Variants in MTCL1 observed in about 807,000 individuals in gnomAD.
MTCL1 encodes the protein microtubule crosslinking factor 1, also known as microtubule cross-linking factor 1.
MTCL1 carries 79 observed loss-of-function variants against 141.4 expected under a neutral mutation model. The ratio of observed to expected loss-of-function variants is 0.56; its 90% confidence interval spans 0.47 to 0.67. The LOEUF (loss-of-function observed/expected upper bound fraction) is 0.67. Among genes scored for constraint, MTCL1 ranks in the 30% least tolerant of loss-of-function variants. The pLI is 0.00. For synonymous variants in MTCL1, 914 were observed against 875.8 expected (o/e 1.04, Z -0.77); for missense variants, 2,177 against 2,113.9 (o/e 1.03, Z -0.59).
Position 8,810,822 on chromosome 18 carries a change from C to T in MTCL1, c.2605-2157C>T, listed in dbSNP as rs1191636130. On this transcript the variant is annotated intron_variant, in intron 11 of 16. Coordinates refer to ENST00000359865, the Ensembl canonical transcript of MTCL1. This position sits in a 1 kb window ranked among gnomAD's most constrained non-coding sequence, Gnocchi z 5.0. ...ATAAATAATTGATCAAGAAGCGTCA[C>T]CACTGACCTGTGCCCGTGGCTGTCA... Among the ~76,000 whole-genome samples, 1 of 152,178 alleles carries T rather than the reference C, an allele frequency of 6.6e-6. No individual in the cohort carries two copies. The highest frequency in any genetic ancestry group is 1.5e-5 in the Non-Finnish European group (1 of 68,040).
intron 7 of MTCL1, chr18:8,789,619 C>T (rs2075649044): frequency 1.0e-6 from 1 of 985,398 alleles, no homozygotes; most frequent in South Asian, 4.7e-5. Context: ...ATTGTCAAGA[C>T]TAGTGTCTCA....
In MTCL1 at chr18:8,779,102, C is replaced by T. The variant is rs1197984079; in HGVS notation, c.417+1210C>T. ...CAAAACCCAAAGGAAGCTGGCGCCC[C>T]GGCGCAAGGTAGGCACGTGGGCAGT... On this transcript the variant is annotated intron_variant, in intron 5 of 16. Coordinates refer to ENST00000359865, the Ensembl canonical transcript of MTCL1. This position sits in a 1 kb window ranked among gnomAD's most constrained non-coding sequence, Gnocchi z 4.1. Among the ~76,000 whole-genome samples the T allele has an allele frequency of 1.3e-5, 2 of 152,234 alleles. No individual in the cohort carries two copies. Among genetic ancestry groups the T allele is most frequent in the Non-Finnish European group, 2.9e-5 (2 of 68,044 alleles).
intron 1 of MTCL1, 52 bp downstream of exon 1, chr18:8,706,765 C>G (rs1487976017): frequency 6.5e-7 from 1 of 1,536,812 alleles, no homozygotes; most frequent in Non-Finnish European, 8.7e-7. Context: ...GAGGGCCTGG[C>G]TGCGGCGGGG....
chr18:8,774,684 C>G (rs1279575579), intron 4 of MTCL1, among the ~76,000 whole-genome samples: 1 of 152,212 alleles, frequency 6.6e-6, no homozygotes, highest in Non-Finnish European at 1.5e-5. Flanking sequence ...GACAGAGTTT[C>G]ACCGTGTTGG....
intron 15 of MTCL1, among the ~76,000 whole-genome samples, chr18:8,826,507 T>A (rs1486140094): frequency 6.6e-6 from 1 of 152,208 alleles, no homozygotes; most frequent in Non-Finnish European, 1.5e-5. Flanking sequence ...AAGTGATTGA[T>A]CCTTATTTAT....
intron 8 of MTCL1, among the ~76,000 whole-genome samples, chr18:8,795,059 C>T (rs1033528603): frequency 2.0e-5 from 3 of 152,200 alleles, no homozygotes; most frequent in Admixed American, 6.5e-5. Context: ...CTGAGGGCTG[C>T]TGAGATGATG....
intron 4 of MTCL1, among the ~76,000 whole-genome samples, chr18:8,770,144 T>C (rs947751898): frequency 5.3e-5 from 8 of 152,208 alleles, no homozygotes; most frequent in African/African-American, 1.9e-4. Flanking sequence ...GCTGTGACCT[T>C]GAATGTAGGC....
At chr18:8,817,176 A>G (rs528912563) in intron 12 of MTCL1, among the ~76,000 whole-genome samples, 2 of 152,048 alleles carry the variant, frequency 1.3e-5, no homozygotes, top group South Asian at 2.1e-4. Flanking sequence ...TTCTTGCCCA[A>G]AATAGCTTAG....
At chr18:8,791,027 A>G (rs755244222) in intron 7 of MTCL1, among the ~76,000 whole-genome samples, 3 of 152,156 alleles carry the variant, frequency 2.0e-5, no homozygotes, top group Non-Finnish European at 4.4e-5. Flanking sequence ...AAAACAAGCA[A>G]ACAAAGAACT....
chr18:8,759,273 A>G (rs2148992968), intron 4 of MTCL1, among the ~76,000 whole-genome samples: 1 of 152,364 alleles, frequency 6.6e-6, no homozygotes, highest in African/African-American at 2.4e-5. Context: ...TTCTTCTCAA[A>G]GCAGAAAAAC....
intron 8 of MTCL1, among the ~76,000 whole-genome samples, chr18:8,795,950 A>G (rs1339666298): frequency 6.6e-6 from 1 of 152,246 alleles, no homozygotes; most frequent in Non-Finnish European, 1.5e-5. Flanking sequence ...TTCCTGAAGG[A>G]GTTTAGAGAC....
At chr18:8,790,242 GCTT>G (rs1007429979) in intron 7 of MTCL1, among the ~76,000 whole-genome samples, 1 of 152,156 alleles carries the variant, frequency 6.6e-6, no homozygotes, top group African/African-American at 2.4e-5. Flanking sequence ...GATAAAAATG[GCTT>G]CTTAACATAT....
rs374430200 is a variant in MTCL1, at chr18:8,806,014, A to T, written c.2437-879A>T. On this transcript the variant is annotated intron_variant, in intron 10 of 16. Transcript: ENST00000359865. ...GAACATATAAACCATTTTAAGTTAG[A>T]TATAAGCAGATTAGTAATAAAAATC... Among the ~76,000 whole-genome samples the T allele has an allele frequency of 3.3e-5, 5 of 152,204 alleles. No individual in the cohort carries two copies. The South Asian group carries it at 8.3e-4, about 25-fold the overall frequency.
chr18:8,801,342 C>G (rs982552459), intron 10 of MTCL1, among the ~76,000 whole-genome samples: 1 of 148,236 alleles, frequency 6.7e-6, no homozygotes, highest in Non-Finnish European at 1.5e-5. Flanking sequence ...AGAAAGTTAT[C>G]TTGAGCCTAG....
chr18:8,756,525 A>G (rs758769633), intron 4 of MTCL1, among the ~76,000 whole-genome samples: 9 of 149,268 alleles, frequency 6.0e-5, no homozygotes, highest in Non-Finnish European at 7.4e-5. Flanking sequence ...GTGTGTATAT[A>G]TGTGTGTGTA....
Position 8,777,822 on chromosome 18 carries a change from A to C in MTCL1, c.358-11A>C. 6.2e-7 allele frequency: 1 copy of C among 1,613,652 alleles called. No individual in the cohort carries two copies. Among genetic ancestry groups the C allele is most frequent in the Non-Finnish European group, 8.5e-7 (1 of 1,179,864 alleles). ...CCCTTGGTCACAGAATGTCACTTGG[A>C]TCTATTTCAGAGTTCCCTAAAAAGA... On this transcript the variant is annotated splice_polypyrimidine_tract_variant and intron_variant, in intron 4 of 16. Transcript: ENST00000359865.
chr18:8,826,175 G>A (rs779650820), exon 15 of MTCL1: 42 of 1,611,778 alleles, frequency 2.6e-5, no homozygotes, highest in Middle Eastern at 1.6e-4. Flanking sequence ...ACGGGCCCCC[G>A]GGTCTCCACA....
chr18:8,764,357 G>T (rs1054726113), intron 4 of MTCL1, among the ~76,000 whole-genome samples: 1 of 148,014 alleles, frequency 6.8e-6, no homozygotes, highest in African/African-American at 2.5e-5. Context: ...CGTTCTTGTT[G>T]CCCAGGCTGA....
At position 8,756,849 on chromosome 18, in the gene MTCL1, C is replaced by T. The variant is rs140470752; in HGVS notation, c.358-20984C>T. On this transcript the variant is annotated intron_variant, in intron 4 of 16. Coordinates refer to ENST00000359865, the Ensembl canonical transcript of MTCL1. ...ATATATTTAGTGGGCAAGGTCTCCT[C>T]TTAGAGCCCTTCCCTGTGAAGTTAG... Among the ~76,000 whole-genome samples, 741 of 152,270 alleles carry T rather than the reference C, an allele frequency of 4.9e-3. 5 individuals are homozygous for T. The highest frequency in any genetic ancestry group is 0.017 in the African/African-American group (708 of 41,548).
Sources: allele counts gnomAD v4.1 joint callset (sites outside exome capture counted in the v4.1 genomes callset), GRCh38; gene constraint gnomAD v4.1.1; non-coding constraint Gnocchi (gnomAD v3.1); transcripts MANE v1.5; gene names NCBI Gene and HGNC (gene_info 2026-07-23, HGNC 2026-07-21).